The following DIAPH2 variants were observed in gnomAD, a reference collection of about 807,000 sequenced individuals.
The protein encoded by DIAPH2 is protein diaphanous homolog 2.
DIAPH2 carries 35 observed loss-of-function variants against 92.7 expected under a neutral mutation model. The ratio of observed to expected loss-of-function variants is 0.38; its 90% CI spans 0.29 to 0.50. DIAPH2 has a LOEUF of 0.50. Among genes scored for constraint, DIAPH2 ranks in the 20% least tolerant of loss-of-function variants. DIAPH2 has a pLI of 0.94. For missense variants in DIAPH2, 701 were observed against 819.5 expected (o/e 0.86, Z 1.77); for synonymous variants, 301 against 280.4 (o/e 1.07, Z -0.73).
At chrX:97,275,295 G>A (rs1468503837) in intron 23 of DIAPH2, among the ~76,000 whole-genome samples, 1 of 81,671 alleles carries the variant, frequency 1.2e-5, no homozygotes, top group Non-Finnish European at 2.4e-5. Context: ...TCCCTCCCGG[G>A]AGGGGCGGCT....
intron 4 of DIAPH2, among the ~76,000 whole-genome samples, chrX:96,871,469 CAAAAAAAAAAA>C (rs34852539): frequency 6.9e-5 from 2 of 28,816 alleles, no homozygotes; most frequent in Admixed American, 6.2e-4. Context: ...GACTCCGTCT[CAAAAAAAAAAA>C]AAAAAAAAAA....
At chrX:96,944,804 C>A (rs2065727970) in intron 13 of DIAPH2, among the ~76,000 whole-genome samples, 1 of 110,803 alleles carries the variant, frequency 9.0e-6, no homozygotes, top group African/African-American at 3.3e-5. Context: ...CATTTAGGTT[C>A]TTTCGAGTTT....
At chrX:96,796,364 G>C (rs917047926) in intron 4 of DIAPH2, among the ~76,000 whole-genome samples, 1 of 110,599 alleles carries the variant, frequency 9.0e-6, no homozygotes, top group Non-Finnish European at 1.9e-5. Flanking sequence ...ATTTTTAGTA[G>C]AGACGGGGTT....
At chrX:97,120,637 T>TA (rs1437126309) in intron 21 of DIAPH2, among the ~76,000 whole-genome samples, 4 of 100,669 alleles carry the variant, frequency 4.0e-5, no homozygotes, top group African/African-American at 1.1e-4. Context: ...TTTTTTTTTT[T>TA]AGCTCATCAG....
rs191891381 is a variant in DIAPH2 at position 97,003,940 on chromosome X, C to T, written c.2050+38733C>T. On this transcript the variant is annotated intron_variant, in intron 17 of 26. Coordinates refer to ENST00000324765, the MANE Select transcript of DIAPH2 (RefSeq NM_006729.5). ...TTGTAGTAGTTTCATAGTTTGAGGT[C>T]TTATAATCTATTTTGATTTTTATAT... 5.6e-4 allele frequency among the ~76,000 whole-genome samples: 63 copies of T among 111,507 alleles called. No homozygotes were observed. In the East Asian group the frequency reaches 0.017, roughly 29 times the overall value.
intron 26 of DIAPH2, among the ~76,000 whole-genome samples, chrX:97,546,864 C>T (rs1000916383): frequency 1.8e-5 from 2 of 110,741 alleles, no homozygotes; most frequent in African/African-American, 6.6e-5. Context: ...ATCATGTTCT[C>T]AGTGAGGCAG....
intron 26 of DIAPH2, among the ~76,000 whole-genome samples, chrX:97,574,759 T>G (rs1447272681): frequency 8.9e-6 from 1 of 112,316 alleles, no homozygotes; most frequent in East Asian, 2.8e-4. Flanking sequence ...TTAGTTCGAT[T>G]ATTTTACTAC....
intron 22 of DIAPH2, among the ~76,000 whole-genome samples, chrX:97,144,035 C>T (rs1035197940): frequency 1.8e-5 from 2 of 111,174 alleles, no homozygotes; most frequent in Admixed American, 9.6e-5. Flanking sequence ...TTAATGTGTA[C>T]GAACATACAG....
chrX:97,271,038 G>A (rs1053782145), intron 23 of DIAPH2, among the ~76,000 whole-genome samples: 8 of 110,961 alleles, frequency 7.2e-5, no homozygotes, highest in Non-Finnish European at 1.3e-4. Flanking sequence ...TACCCAAAAT[G>A]TGCAATTATC....
rs1165950699 is a variant in DIAPH2, at chrX:96,898,200, C to G, written c.588-14128C>G. ...GCAATAAACATACGTGTGCATGTGT[C>G]TTTATAGCAGCATGATTTATAGTCC... is the stretch of plus-strand genomic sequence containing the variant. On this transcript the variant is annotated intron_variant, in intron 5 of 26. Transcript: ENST00000324765. Among the ~76,000 whole-genome samples the G allele has an allele frequency of 1.6e-4, 15 of 96,490 alleles. 1 individual carries two copies. Among genetic ancestry groups the G allele is most frequent in the Admixed American group, 4.7e-4 (4 of 8,533 alleles). 83.8% of individuals were successfully genotyped at this position (96,490 alleles called of 115,157 possible).
chrX:97,294,902 CTTCT>C (rs777932276), intron 23 of DIAPH2, among the ~76,000 whole-genome samples: 96 of 110,734 alleles, frequency 8.7e-4, no homozygotes, highest in African/African-American at 3.0e-3. Flanking sequence ...TCTATTTTAC[CTTCT>C]TTCTTCATTT....
At chrX:97,331,045 G>A (rs950250385) in intron 23 of DIAPH2, among the ~76,000 whole-genome samples, 4 of 110,571 alleles carry the variant, frequency 3.6e-5, no homozygotes, top group Non-Finnish European at 7.5e-5. Flanking sequence ...TGGTTCCTAA[G>A]ATCATGTAAT....
chrX:96,687,170 G>C (rs902137083), intron 1 of DIAPH2, among the ~76,000 whole-genome samples: 1 of 111,994 alleles, frequency 8.9e-6, no homozygotes, highest in Non-Finnish European at 1.9e-5. Context: ...GTAAAGGAAA[G>C]AATAGTTGAT....
intron 3 of DIAPH2, among the ~76,000 whole-genome samples, chrX:96,755,991 G>A (rs1242951277): frequency 9.2e-6 from 1 of 109,271 alleles, no homozygotes; most frequent in Non-Finnish European, 1.9e-5. Context: ...AGTCTCCCAA[G>A]TAGCTGGGAC....
chrX:97,507,109 G>C, intron 26 of DIAPH2, among the ~76,000 whole-genome samples: 1 of 80,411 alleles, frequency 1.2e-5, no homozygotes, highest in African/African-American at 5.2e-5. Context: ...CTTTCTTCCA[G>C]ATGCTGAGGA....
intron 26 of DIAPH2, among the ~76,000 whole-genome samples, chrX:97,552,316 G>A (rs779726243): frequency 1.1e-4 from 12 of 111,973 alleles, no homozygotes; most frequent in Admixed American, 1.0e-3. Context: ...AAGTTCAGAT[G>A]AAAAGTCAAG....
At chrX:97,310,647 G>A (rs954632256) in intron 23 of DIAPH2, among the ~76,000 whole-genome samples, 7 of 111,388 alleles carry the variant, frequency 6.3e-5, no homozygotes, top group South Asian at 3.7e-4. Context: ...AGGGAGAGTC[G>A]TAGAAGATAA....
rs866130083 is a variant in DIAPH2, at chrX:97,185,341, G to A, written c.2719+43547G>A. Reference sequence around the variant, plus strand: ...TATATATATGTGTATATATATATATGTATATATATATGTGTGTATATATAT... The same window carrying A: ...TATATATATGTGTATATATATATATATATATATATATGTGTGTATATATAT... On this transcript the variant is annotated intron_variant, in intron 22 of 26. Transcript: ENST00000324765. Among the ~76,000 whole-genome samples the A allele has an allele frequency of 5.8e-3, 20 of 3,469 alleles. 1 individual carries two copies. Among genetic ancestry groups the A allele is most frequent in the African/African-American group, 8.8e-3 (6 of 680 alleles). 3.0% of individuals were successfully genotyped at this position (3,469 alleles called of 115,157 possible).
chrX:96,885,278 G>A (rs1417950042), intron 5 of DIAPH2: 1 of 434,976 alleles, frequency 2.3e-6, no homozygotes, highest in Non-Finnish European at 4.0e-6. Context: ...AGCTCAGAGA[G>A]AGACGGTGAT....
Sources: allele counts gnomAD v4.1 joint callset (sites outside exome capture counted in the v4.1 genomes callset), GRCh38; gene constraint gnomAD v4.1.1; transcripts MANE v1.5; gene names NCBI Gene and HGNC (gene_info 2026-07-23, HGNC 2026-07-21).